NEK6: variants seen among roughly 807,000 people sequenced by gnomAD.
NEK6 encodes the protein NIMA related kinase 6, also known as serine/threonine-protein kinase Nek6.
In NEK6, 27 loss-of-function variants were observed where a neutral mutation model predicts 43.5. The observed-to-expected ratio is 0.62, with a 90% CI of 0.46 to 0.86. The LOEUF is 0.86. Ranked by LOEUF, NEK6 falls within the 40% of genes least tolerant of loss-of-function variation. The pLI is 0.00. For missense variants in NEK6, 318 were observed against 414.4 expected (o/e 0.77, Z 2.02); for synonymous variants, 167 against 164.1 (o/e 1.02, Z -0.14).
chr9:124,318,838 A>AC (rs376292681), intron 4 of NEK6, among the ~76,000 whole-genome samples: 55 of 151,840 alleles, frequency 3.6e-4, no homozygotes, highest in African/African-American at 1.3e-3. Context: ...TGCTCGGCTA[A>AC]TTGTTGTATT....
At chr9:124,300,981 T>C (rs1266497720) in intron 1 of NEK6, among the ~76,000 whole-genome samples, 1 of 152,180 alleles carries the variant, frequency 6.6e-6, no homozygotes, top group Non-Finnish European at 1.5e-5. Context: ...CCATCACATG[T>C]GTGATCTAGT....
intron 1 of NEK6, among the ~76,000 whole-genome samples, chr9:124,285,634 C>G (rs1458026151): frequency 6.6e-6 from 1 of 152,140 alleles, no homozygotes; most frequent in Non-Finnish European, 1.5e-5. Flanking sequence ...TCAGGATCTC[C>G]AAACACAGGC....
chr9:124,265,822 C>T (rs1321953095), intron 1 of NEK6: 1 of 152,208 alleles, frequency 6.6e-6, no homozygotes, highest in Admixed American at 6.5e-5. Context: ...GTGTGTGGCA[C>T]GTTATCTCAT....
At chr9:124,291,441 A>G (rs1832414023) in intron 1 of NEK6, among the ~76,000 whole-genome samples, 1 of 152,204 alleles carries the variant, frequency 6.6e-6, no homozygotes. Flanking sequence ...AGCCTGACCA[A>G]CATGGAGAAA....
At chr9:124,289,503 C>T (rs1363519898) in intron 1 of NEK6, among the ~76,000 whole-genome samples, 6 of 152,118 alleles carry the variant, frequency 3.9e-5, no homozygotes, top group African/African-American at 1.2e-4. Flanking sequence ...ATATACACAC[C>T]TCCATGGCTG....
chr9:124,276,538 G>A lies in NEK6; in HGVS notation c.-30+18453G>A, dbSNP rs143334573. On this transcript the variant is annotated intron_variant, in intron 1 of 9. Coordinates refer to ENST00000320246, the MANE Select transcript of NEK6 (RefSeq NM_014397.6). ...ACATCGAAGGGGCCATTGAATCCCCGTGGACTCAGGACGACAGTGGCTGGA... is the reference window on the plus strand; with the variant it reads ...ACATCGAAGGGGCCATTGAATCCCCATGGACTCAGGACGACAGTGGCTGGA... Among the ~76,000 whole-genome samples, 131 of 152,300 alleles carry A rather than the reference G, an allele frequency of 8.6e-4. No homozygotes were observed. In the East Asian group the frequency reaches 0.02, roughly 24 times the overall value.
In NEK6 at chr9:124,334,733, G is replaced by A. The variant is rs182520888; in HGVS notation, c.623-4838G>A. On this transcript the variant is annotated intron_variant, in intron 7 of 9. Transcript: ENST00000320246. Reference sequence around the variant, plus strand: ...ACAGCACGTGCAAAGGCACAGAGGCGAGTGGAAAAGCGGGCTGGGGCTGGG... The same window carrying A: ...ACAGCACGTGCAAAGGCACAGAGGCAAGTGGAAAAGCGGGCTGGGGCTGGG... 2.2e-4 allele frequency among the ~76,000 whole-genome samples: 34 copies of A among 152,354 alleles called. No individual in the cohort carries two copies. The East Asian group carries it at 3.9e-3, about 17-fold the overall frequency.
chr9:124,335,357 G>A (rs1829234163), intron 7 of NEK6, among the ~76,000 whole-genome samples: 1 of 152,222 alleles, frequency 6.6e-6, no homozygotes, highest in Non-Finnish European at 1.5e-5. Context: ...TTGACTGACA[G>A]CCCTTTCTGC....
upstream of NEK6, chr9:124,257,876 G>A: frequency 9.9e-7 from 1 of 1,014,850 alleles, no homozygotes; most frequent in Non-Finnish European, 1.2e-6. Context: ...TGGCGGCAGC[G>A]CGCACGAGCG....
At chr9:124,260,087 C>T (rs1455396302) in intron 1 of NEK6, among the ~76,000 whole-genome samples, 1 of 151,898 alleles carries the variant, frequency 6.6e-6, no homozygotes, top group Non-Finnish European at 1.5e-5. Flanking sequence ...CACAAGGAAA[C>T]TGAGGCACAC....
intron 1 of NEK6, among the ~76,000 whole-genome samples, chr9:124,301,625 T>G (rs1832979146): frequency 6.6e-6 from 1 of 152,190 alleles, no homozygotes; most frequent in Non-Finnish European, 1.5e-5. Context: ...GTCTTTGGAC[T>G]CCAGCAAATG....
rs117634249 is a variant in NEK6, at chr9:124,274,865, C to G, written c.-30+16780C>G. The stretch of plus-strand genomic sequence containing the variant: ...ATCATTGTCCTCTCCAGTGCCGGCT[C>G]TGATAGATTGATAGGGGCTGCCCGA... On this transcript the variant is annotated intron_variant, in intron 1 of 9. Transcript: ENST00000320246. Among the ~76,000 whole-genome samples the G allele has an allele frequency of 1.2e-3, 182 of 152,214 alleles. 1 individual carries two copies. In the East Asian group the frequency reaches 0.032, roughly 27 times the overall value.
Position 124,323,350 on chromosome 9 carries a change from T to A in NEK6, c.405+1781T>A, listed in dbSNP as rs117773881. On this transcript the variant is annotated intron_variant, in intron 5 of 9. Coordinates refer to ENST00000320246, the MANE Select transcript of NEK6 (RefSeq NM_014397.6). Reference sequence around the variant, plus strand: ...CTGAGATGGAGACCACCGGATCACGTAGGGCCTGTTGCTCCAGGCTCGGGG... The same window carrying A: ...CTGAGATGGAGACCACCGGATCACGAAGGGCCTGTTGCTCCAGGCTCGGGG... 1.0e-3 allele frequency among the ~76,000 whole-genome samples: 157 copies of A among 152,294 alleles called. 1 individual carries two copies. The East Asian group carries it at 0.027, about 26-fold the overall frequency.
chr9:124,281,647 C>T (rs2118989386), intron 1 of NEK6, among the ~76,000 whole-genome samples: 1 of 151,884 alleles, frequency 6.6e-6, no homozygotes, highest in South Asian at 2.1e-4. Flanking sequence ...ATTACAGGTG[C>T]CTGCCACCAC....
intron 7 of NEK6, among the ~76,000 whole-genome samples, chr9:124,331,451 G>C (rs1196685170): frequency 2.6e-5 from 4 of 152,064 alleles, no homozygotes; most frequent in African/African-American, 9.7e-5. Context: ...AGCCCTTCTC[G>C]AGGCATCAGC....
intron 1 of NEK6, among the ~76,000 whole-genome samples, chr9:124,291,139 C>T (rs1304358843): frequency 6.6e-6 from 1 of 152,288 alleles, no homozygotes; most frequent in African/African-American, 2.4e-5. Flanking sequence ...TGTCATGTAA[C>T]CCACCAGCAC....
chr9:124,309,438 C>T (rs571096800), intron 2 of NEK6, among the ~76,000 whole-genome samples: 6 of 152,334 alleles, frequency 3.9e-5, no homozygotes, highest in Admixed American at 3.9e-4. Flanking sequence ...GAAGCCTGGT[C>T]TTCCAGGGCA....
At chr9:124,325,723 T>C (rs1834300769) in intron 5 of NEK6, among the ~76,000 whole-genome samples, 1 of 152,222 alleles carries the variant, frequency 6.6e-6, no homozygotes, top group Non-Finnish European at 1.5e-5. Flanking sequence ...ACTAAATATG[T>C]TTTCCCAGGC....
At chr9:124,257,928 CG>C (rs1830868497), upstream of NEK6, 1 of 974,560 alleles carries the variant, frequency 1.0e-6, no homozygotes, top group African/African-American at 1.8e-5. Flanking sequence ...GGCGGGCGCG[CG>C]GGCGCGCGGG....
Sources: gnomAD v4.1 joint callset for allele counts (sites outside exome capture counted in the v4.1 genomes callset) on GRCh38, gnomAD v4.1.1 for gene constraint, MANE v1.5 for transcripts, NCBI Gene and HGNC (gene_info 2026-07-23, HGNC 2026-07-21) for gene names.